Variants in ZC4H2 observed in about 807,000 individuals in gnomAD.
ZC4H2 encodes zinc finger C4H2-type containing.
For synonymous variants in ZC4H2, 84 were observed against 66.3 expected, an observed-to-expected ratio of 1.27 and a Z score of -1.30; for missense variants, 137 against 173.9, an observed-to-expected ratio of 0.79 and a Z score of 1.19.
intron 4 of ZC4H2, 26 bp from the exon 5 acceptor site, chrX:64,917,922 A>C (rs771794662): frequency 2.5e-6 from 3 of 1,191,269 alleles, no homozygotes. Context: ...GGAAAAAGAA[A>C]GTTAGTAGTC....
At chrX:64,961,786 G>T (rs1931401069) in intron 1 of ZC4H2, among the ~76,000 whole-genome samples, 1 of 111,277 alleles carries the variant, frequency 9.0e-6, no homozygotes, top group Non-Finnish European at 1.9e-5. Context: ...CTACTATGAA[G>T]AATCACATAT....
intron 1 of ZC4H2, among the ~76,000 whole-genome samples, chrX:65,026,140 T>A (rs1054553347): frequency 8.9e-6 from 1 of 111,844 alleles, no homozygotes; most frequent in Non-Finnish European, 1.9e-5. Context: ...CTTTATTAAA[T>A]CTGACCTAAT....
chrX:64,927,749 C>A (rs1929494782), intron 1 of ZC4H2, among the ~76,000 whole-genome samples: 2 of 112,511 alleles, frequency 1.8e-5, no homozygotes, highest in Non-Finnish European at 3.8e-5. Context: ...CTTCCACCAA[C>A]AGTGTAAACA....
intron 1 of ZC4H2, among the ~76,000 whole-genome samples, chrX:65,012,521 C>A (rs186911472): frequency 9.0e-6 from 1 of 111,405 alleles, no homozygotes; most frequent in Non-Finnish European, 1.9e-5. Context: ...CTCTCTTGTA[C>A]TACATAATCT....
At chrX:64,961,737 A>G (rs749296498) in intron 1 of ZC4H2, among the ~76,000 whole-genome samples, 7 of 111,546 alleles carry the variant, frequency 6.3e-5, no homozygotes, top group Admixed American at 5.7e-4. Flanking sequence ...AAGATGACAC[A>G]CTACAACTGA....
Position 64,917,690 on chromosome X carries a change from G to A in ZC4H2, c.*93C>T, listed in dbSNP as rs1474369094. 1.1e-5 allele frequency: 12 copies of A among 1,124,216 alleles called. No individual in the cohort carries two copies. The Admixed American group carries it at 3.0e-4, about 28-fold the overall frequency. 92.6% of individuals were successfully genotyped at this position (1,124,216 alleles called of 1,213,427 possible). A position where few individuals can be genotyped will look rare whatever the true frequency, so the allele number is the denominator to read the frequency against. On this transcript the variant is annotated 3_prime_UTR_variant, in exon 5 of 5. Coordinates refer to ENST00000374839, the MANE Select transcript of ZC4H2 (RefSeq NM_018684.4). ...TCACATTAAATAGGAGACTTCGTGGGGTTGGGCAAGGGTTGTTTCACATCA... is the reference window on the plus strand; with the variant it reads ...TCACATTAAATAGGAGACTTCGTGGAGTTGGGCAAGGGTTGTTTCACATCA...
intron 1 of ZC4H2, among the ~76,000 whole-genome samples, chrX:64,941,224 T>C (rs1930268334): frequency 8.9e-6 from 1 of 112,089 alleles, no homozygotes; most frequent in South Asian, 3.7e-4. Flanking sequence ...GGAATGCTTG[T>C]GATTTTTGCA....
At chrX:64,924,840 G>T in intron 1 of ZC4H2, among the ~76,000 whole-genome samples, 2 of 110,982 alleles carry the variant, frequency 1.8e-5, no homozygotes, top group East Asian at 5.7e-4. Flanking sequence ...AACTAGGGAG[G>T]TTGACAGGCC....
At chrX:64,955,806 G>T (rs894417408) in intron 1 of ZC4H2, among the ~76,000 whole-genome samples, 2 of 112,012 alleles carry the variant, frequency 1.8e-5, no homozygotes, top group African/African-American at 6.5e-5. Flanking sequence ...CTTATACATG[G>T]ATAACCTTAT....
At chrX:64,978,388 C>A (rs1258094947), upstream of ZC4H2, among the ~76,000 whole-genome samples, 2 of 111,993 alleles carry the variant, frequency 1.8e-5, no homozygotes, top group Non-Finnish European at 3.8e-5. Context: ...CTTGTACAGC[C>A]ACTAGTTGGT....
At chrX:64,965,563 T>C in intron 1 of ZC4H2, 1 of 281,960 alleles carries the variant, frequency 3.5e-6, no homozygotes, top group Non-Finnish European at 6.6e-6. Context: ...GAATACGACT[T>C]AGGCAAACAT....
chrX:65,017,091 C>G (rs1932802419), intron 1 of ZC4H2, among the ~76,000 whole-genome samples: 1 of 111,872 alleles, frequency 8.9e-6, no homozygotes. Context: ...AGAGTTATTT[C>G]TGATGTGAAA....
At chrX:64,960,748 C>T (rs1451274693) in intron 1 of ZC4H2, among the ~76,000 whole-genome samples, 1 of 111,868 alleles carries the variant, frequency 8.9e-6, no homozygotes, top group Non-Finnish European at 1.9e-5. Flanking sequence ...AAATATAACC[C>T]TTAAGATGGG....
chrX:64,983,588 C>T (rs923463503), intron 1 of ZC4H2, among the ~76,000 whole-genome samples: 3 of 111,222 alleles, frequency 2.7e-5, no homozygotes, highest in African/African-American at 9.8e-5. Flanking sequence ...AATCATGTTC[C>T]CAGTCCTATA....
rs904968469 is a variant in ZC4H2, at chrX:64,990,041, C to G, written c.-272+44588G>C. Among the ~76,000 whole-genome samples, 3 of 111,588 alleles carry G rather than the reference C, an allele frequency of 2.7e-5. No individual in the cohort carries two copies. In the Admixed American group the frequency reaches 2.9e-4, roughly 11 times the overall value. ...TAATTGCAATCCTGGACATTTACCC[C>G]AGAAAAAAGTGAAAATTTATGTTTA... On this transcript the variant is annotated intron_variant, in intron 1 of 4. Transcript: ENST00000337990.
chrX:64,994,902 G>A (rs1221730662), intron 1 of ZC4H2, among the ~76,000 whole-genome samples: 1 of 111,055 alleles, frequency 9.0e-6, no homozygotes, highest in Non-Finnish European at 1.9e-5. Flanking sequence ...AAAGAGTAAA[G>A]AGGGACAAAT....
At chrX:65,026,460 C>T (rs991026955) in intron 1 of ZC4H2, among the ~76,000 whole-genome samples, 1 of 111,369 alleles carries the variant, frequency 9.0e-6, no homozygotes, top group Non-Finnish European at 1.9e-5. Context: ...TATGTAATCC[C>T]AGCACTTTGG....
In ZC4H2 at chrX:64,918,949, A is replaced by T. The variant is rs1372778743; in HGVS notation, c.561+93T>A. On this transcript the variant is annotated intron_variant, in intron 4 of 4. Transcript: ENST00000374839. Reference sequence around the variant, plus strand: ...AAAGGCCATTAAAAGAAGGCCCAGCATAAATAAAGCCAAAGACCCAGAACT... The same window carrying T: ...AAAGGCCATTAAAAGAAGGCCCAGCTTAAATAAAGCCAAAGACCCAGAACT... The T allele has an allele frequency of 8.5e-6, 9 of 1,059,146 alleles. No individual in the cohort carries two copies. The South Asian group carries it at 2.3e-4, about 27-fold the overall frequency. 87.3% of individuals were successfully genotyped at this position (1,059,146 alleles called of 1,213,427 possible).
intron 1 of ZC4H2, among the ~76,000 whole-genome samples, chrX:64,930,195 C>T (rs1475561444): frequency 9.0e-6 from 1 of 111,694 alleles, no homozygotes; most frequent in African/African-American, 3.2e-5. Context: ...TATAGCAGTG[C>T]TACTGATTTG....
Sources: gnomAD v4.1 joint callset for allele counts (sites outside exome capture counted in the v4.1 genomes callset) on GRCh38, gnomAD v4.1.1 for gene constraint, MANE v1.5 for transcripts, NCBI Gene and HGNC (gene_info 2026-07-23, HGNC 2026-07-21) for gene names.